The following MYO1A variants were observed in gnomAD, a reference collection of about 807,000 sequenced individuals.
MYO1A encodes myosin IA.
A neutral mutation model predicts 138.5 loss-of-function variants in MYO1A; 127 were observed. That is an observed-to-expected ratio of 0.92 (90% CI 0.79 to 1.06). The LOEUF (loss-of-function observed/expected upper bound fraction) is 1.06. Among genes scored for constraint, MYO1A ranks in the 50% least tolerant of loss-of-function variants. The probability of loss-of-function intolerance (pLI) is 0.00; values close to 1 mark genes in which losing one functional copy is unlikely to be tolerated. For missense variants in MYO1A, 1,211 were observed against 1,288.8 expected (o/e 0.94, Z 0.92); for synonymous variants, 477 against 497.5 (o/e 0.96, Z 0.55).
chr12:57,037,929 A>C lies in MYO1A; in HGVS notation c.1901T>G (p.Phe634Cys), dbSNP rs781119347. ...GCTCAGCAATCGGTACCTTTCCAGG[A>C]AGGGCCCATAACCCTGGCGGTGGGC... ...GYAHRQGYGP[F>C]LERYRLLSRS... Residue 634 changes from phenylalanine (F) to cysteine (C), a missense_variant, in exon 18 of 28, where the codon TTC (phenylalanine) becomes TGC (cysteine). By Grantham distance (205) the Phe-to-Cys change is radical. Coordinates refer to ENST00000300119, the MANE Select transcript of MYO1A (RefSeq NM_005379.4). 6 of 1,614,162 alleles carry C rather than the reference A, an allele frequency of 3.7e-6. No individual in the cohort carries two copies. In the South Asian group the frequency reaches 6.6e-5, roughly 18 times the overall value.
At chr12:57,036,264 C>T in intron 22 of MYO1A, 43 bp downstream of exon 22, 2 of 1,593,640 alleles carry the variant, frequency 1.3e-6, no homozygotes, top group Non-Finnish European at 8.6e-7. Flanking sequence ...ACCTGTGCCT[C>T]CCTGCTCCAT....
At chr12:57,046,075 A>G (rs1013032017) in intron 8 of MYO1A, among the ~76,000 whole-genome samples, 1 of 152,208 alleles carries the variant, frequency 6.6e-6, no homozygotes, top group Non-Finnish European at 1.5e-5. Context: ...ATGAATGAAA[A>G]GAAAATCAGG....
rs1264296768 is a variant in MYO1A, at chr12:57,047,063, A to T, written c.475T>A (p.Phe159Ile). 1 of 1,614,134 alleles carries T rather than the reference A, an allele frequency of 6.2e-7. No homozygotes were observed. Among genetic ancestry groups the T allele is most frequent in the Non-Finnish European group, 8.5e-7 (1 of 1,180,016 alleles). The change falls in exon 6 of 28, where the codon TTT becomes ATT. Residue 159 changes from phenylalanine (F) to isoleucine (I), a missense_variant and splice_region_variant. Phe to Ile is a conservative substitution (Grantham distance 21). Coordinates refer to ENST00000300119, the MANE Select transcript of MYO1A (RefSeq NM_005379.4). The part of the protein sequence containing the change: ...KTIRNNNSSR[F>I]GKYMDIEFDF... The stretch of plus-strand genomic sequence containing the variant: ...CAGGTGGGGAGACATTTACTCACAA[A>T]TCGGGAGGAATTGTTGTTGCGAATG...
intron 27 of MYO1A, 86 bp downstream of exon 27, chr12:57,029,046 T>C (rs1338930937): frequency 3.1e-6 from 5 of 1,612,238 alleles, no homozygotes; most frequent in Non-Finnish European, 4.2e-6. Context: ...CTGCCCTACA[T>C]GCTTCGCTTT....
Position 57,048,120 on chromosome 12 carries a change from A to T in MYO1A, c.115-16T>A, listed in dbSNP as rs752029144. 1 of 1,610,966 alleles carries T rather than the reference A, an allele frequency of 6.2e-7. No individual in the cohort carries two copies. The highest frequency in any genetic ancestry group is 8.5e-7 in the Non-Finnish European group (1 of 1,177,054). On this transcript the variant is annotated splice_polypyrimidine_tract_variant and intron_variant, in intron 2 of 27. Coordinates refer to ENST00000300119, the MANE Select transcript of MYO1A (RefSeq NM_005379.4). ...CAATGTAGGTCTGGAGCCAGGAAGA[A>T]GGTGAAGGGAATGAGCTTGAGGGTG...
rs890350918 is a variant in MYO1A at position 57,043,980 on chromosome 12, G to A, written c.768C>T (p.Phe256=). The A allele has an allele frequency of 3.7e-6, 6 of 1,614,162 alleles. No individual in the cohort carries two copies. The highest frequency in any genetic ancestry group is 4.2e-6 in the Non-Finnish European group (5 of 1,180,028). ...AVQSAMAVIG[F]SEEEIRQVLE... Reference sequence around the variant, plus strand: ...GCACTTGTCGAATCTCCTCCTCCGAGAACCCAATCACTGCCATTGCACTCT... The same window carrying A: ...GCACTTGTCGAATCTCCTCCTCCGAAAACCCAATCACTGCCATTGCACTCT... The change falls in exon 10 of 28, where the codon TTC becomes TTT. Residue 256 remains phenylalanine, a synonymous_variant. Coordinates refer to ENST00000300119, the MANE Select transcript of MYO1A (RefSeq NM_005379.4).
At chr12:57,042,698 T>C (rs1421495894) in intron 12 of MYO1A, among the ~76,000 whole-genome samples, 1 of 152,068 alleles carries the variant, frequency 6.6e-6, no homozygotes, top group African/African-American at 2.4e-5. Context: ...GCTCAAGTGA[T>C]CCTCCCACCT....
At chr12:57,043,217 C>T (rs1470507985) in intron 11 of MYO1A, 23 bp downstream of exon 11, 2 of 1,613,874 alleles carry the variant, frequency 1.2e-6, no homozygotes, top group Admixed American at 1.7e-5. Context: ...AAACAGCCCC[C>T]TCCACTCCAG....
intron 8 of MYO1A, among the ~76,000 whole-genome samples, chr12:57,044,802 C>T (rs1333149521): frequency 1.3e-5 from 2 of 152,206 alleles, no homozygotes; most frequent in Admixed American, 6.5e-5. Flanking sequence ...TCTCCCTACC[C>T]TCAGGGTTCT....
At position 57,028,792 on chromosome 12, in the gene MYO1A, T is replaced by A. The variant is rs77915386; in HGVS notation, c.3095A>T (p.Lys1032Ile). The A allele has an allele frequency of 1.2e-6, 2 of 1,614,070 alleles. No individual in the cohort carries two copies. The highest frequency in any genetic ancestry group is 4.5e-5 in the East Asian group (2 of 44,876). Residue 1032 changes from lysine to isoleucine, a missense_variant, in exon 28 of 28, where the codon AAA becomes ATA. Coordinates refer to ENST00000300119, the MANE Select transcript of MYO1A (RefSeq NM_005379.4). ...GGDNSKLRYK[K>I]KGSHCLEVTV... ...CACCTCCAAGCAATGACTCCCCTTT[T>A]TTTTGTAGCGTAGCTTGCTGTTGTC... is the stretch of plus-strand genomic sequence containing the variant.
chr12:57,028,676 C>T lies in MYO1A; in HGVS notation c.*79G>A, dbSNP rs1173424350. On this transcript the variant is annotated 3_prime_UTR_variant, in exon 28 of 28. Coordinates refer to ENST00000300119, the MANE Select transcript of MYO1A (RefSeq NM_005379.4). ...CGCCACGATCAGAGGGGTTAGAGAT[C>T]CTCCCACACAGGAGGGCAGAGGGGG... The T allele has an allele frequency of 6.3e-7, 1 of 1,575,592 alleles. No individual in the cohort carries two copies. The highest frequency in any genetic ancestry group is 1.3e-5 in the African/African-American group (1 of 74,228).
chr12:57,041,369 C>T, intron 13 of MYO1A, 63 bp downstream of exon 13: 1 of 1,584,078 alleles, frequency 6.3e-7, no homozygotes, highest in Non-Finnish European at 8.7e-7. Context: ...CCTCACATCC[C>T]CCCTGTGAGC....
rs557681642 is a variant in MYO1A, at chr12:57,047,607, C to A, written c.325+20G>T. 1.2e-6 allele frequency: 2 copies of A among 1,612,896 alleles called. No homozygotes were observed. Among genetic ancestry groups the A allele is most frequent in the Non-Finnish European group, 1.7e-6 (2 of 1,178,882 alleles). ...AGTTCCAGAGGTGACTCCATGTGTT[C>A]CCCCAGCCAGGGGCCTCACCAGTCT... On this transcript the variant is annotated intron_variant, in intron 4 of 27. Coordinates refer to ENST00000300119, the MANE Select transcript of MYO1A (RefSeq NM_005379.4).
intron 10 of MYO1A, 61 bp from the exon 11 acceptor site, chr12:57,043,419 G>A: frequency 1.3e-6 from 2 of 1,500,468 alleles, no homozygotes; most frequent in Non-Finnish European, 9.3e-7. Flanking sequence ...GGGAGGGAGT[G>A]CAATCTGATA....
intron 22 of MYO1A, among the ~76,000 whole-genome samples, chr12:57,035,626 A>T (rs2030502091): frequency 1.3e-5 from 2 of 152,134 alleles, no homozygotes; most frequent in Admixed American, 1.3e-4. Flanking sequence ...GTTTCATTGG[A>T]AGTGCTTCTC....
At chr12:57,048,898 C>T (rs2031237792) in intron 1 of MYO1A, among the ~76,000 whole-genome samples, 2 of 152,200 alleles carry the variant, frequency 1.3e-5, no homozygotes, top group Admixed American at 1.3e-4. Context: ...GTCATTGCTA[C>T]AGTGAGCTTC....
Position 57,030,458 on chromosome 12 carries a change from G to C in MYO1A, c.2485-142C>G, listed in dbSNP as rs1224984751. 7 of 682,110 alleles carry C rather than the reference G, an allele frequency of 1.0e-5. No individual in the cohort carries two copies. The African/African-American group carries it at 1.2e-4, about 12-fold the overall frequency. The allele number at this position is 682,110 out of a possible 1,614,324, so 42.3% of individuals were successfully genotyped here. On this transcript the variant is annotated intron_variant, in intron 23 of 27. Coordinates refer to ENST00000300119, the MANE Select transcript of MYO1A (RefSeq NM_005379.4). ...ACAGGCACTAGACACCTCAGGGAGA[G>C]GCCGGGGCTGGAGGACCATTGAGGA...
intron 8 of MYO1A, among the ~76,000 whole-genome samples, chr12:57,044,964 C>T (rs2031032662): frequency 6.6e-6 from 1 of 152,182 alleles, no homozygotes; most frequent in Non-Finnish European, 1.5e-5. Flanking sequence ...ACACCAAACA[C>T]CAATAAAGTG....
At chr12:57,030,032 T>G in intron 24 of MYO1A, 160 bp from the exon 25 acceptor site, 1 of 1,349,654 alleles carries the variant, frequency 7.4e-7, no homozygotes, top group Non-Finnish European at 1.0e-6. Flanking sequence ...CAGCACCACC[T>G]GGGGAGTTGT....
Sources: gnomAD v4.1 joint callset for allele counts (sites outside exome capture counted in the v4.1 genomes callset) on GRCh38, gnomAD v4.1.1 for gene constraint, MANE v1.5 for transcripts, NCBI Gene and HGNC (gene_info 2026-07-23, HGNC 2026-07-21) for gene names.